The following RIF1 variants were observed in gnomAD, a reference collection of about 807,000 sequenced individuals.
The protein encoded by RIF1 is replication timing regulatory factor 1, also known as telomere-associated protein RIF1.
Under a neutral mutation model 247.1 loss-of-function variants are expected in RIF1, and 45 were observed. The observed-to-expected ratio is 0.18, with a 90% CI of 0.14 to 0.23. RIF1 has a LOEUF of 0.23. Ranked by LOEUF, RIF1 falls within the 10% of genes least tolerant of loss-of-function variation. The probability of loss-of-function intolerance (pLI) is 1.00; values close to 1 mark genes in which losing one functional copy is unlikely to be tolerated. For missense variants in RIF1, 2,967 were observed against 2,862.5 expected, an observed-to-expected ratio of 1.04 and a Z score of -0.83; for synonymous variants, 1,087 against 978.8, an observed-to-expected ratio of 1.11 and a Z score of -2.06.
chr2:151,434,105 T>G (rs1398894018), intron 10 of RIF1, among the ~76,000 whole-genome samples: 1 of 150,494 alleles, frequency 6.6e-6, no homozygotes, highest in Non-Finnish European at 1.5e-5. Context: ...GAGATGGAGG[T>G]TGCAGTGAGC....
intron 10 of RIF1, chr2:151,496,510 C>A: frequency 6.9e-7 from 1 of 1,443,318 alleles, no homozygotes; most frequent in Non-Finnish European, 9.3e-7. Context: ...AAAATGCCAC[C>A]AGCTACTTTA....
At chr2:151,522,441 A>G in the RIF1 span, among the ~76,000 whole-genome samples, 255 of 152,314 alleles carry the variant, frequency 1.7e-3, 2 homozygotes, top group South Asian at 0.03. Context: ...TCATTTCATC[A>G]TTTAACTTGA....
the RIF1 span, chr2:151,525,964 G>A: frequency 6.2e-7 from 1 of 1,613,194 alleles, no homozygotes; most frequent in Non-Finnish European, 8.5e-7. Context: ...TTACATCACT[G>A]ACATGCTTGG....
chr2:151,411,599 C>T (rs1686246163), intron 3 of RIF1, among the ~76,000 whole-genome samples: 1 of 152,074 alleles, frequency 6.6e-6, no homozygotes, highest in South Asian at 2.1e-4. Flanking sequence ...AGGGGTTTCT[C>T]CATGTTGGTC....
At chr2:151,430,874 G>A (rs942395858) in intron 9 of RIF1, among the ~76,000 whole-genome samples, 8 of 151,898 alleles carry the variant, frequency 5.3e-5, no homozygotes, top group Non-Finnish European at 1.0e-4. Context: ...GGCTAGTCTC[G>A]AGCTCCTGGA....
At chr2:151,459,861 A>T in intron 25 of RIF1, 139 bp from the exon 26 acceptor site, 1 of 724,882 alleles carries the variant, frequency 1.4e-6, no homozygotes, top group Non-Finnish European at 2.2e-6. Flanking sequence ...CCTTTCTTTG[A>T]TTTTTATGGG....
At position 151,464,331 on chromosome 2, in the gene RIF1, A is replaced by T; in HGVS notation, c.4811A>T (p.Tyr1604Phe). The change falls in exon 30 of 36, where the codon TAT (tyrosine) becomes TTT (phenylalanine). Residue 1604 changes from tyrosine to phenylalanine, a missense_variant. By Grantham distance (22) the Tyr-to-Phe change is conservative. Around this residue, in one of 7 missense-constraint regions of RIF1, gnomAD observed 2,028 missense variants for 1,825.6 expected, o/e 1.11. Transcript: ENST00000444746. The stretch of plus-strand genomic sequence containing the variant: ...AAAGCTGAAAATCAGTCACATGATT[A>T]TAAAGCAACTTCTGAAGAAGATGTA... ...CIKAENQSHD[Y>F]KATSEEDVSI... The T allele has an allele frequency of 6.2e-7, 1 of 1,610,804 alleles. No individual in the cohort carries two copies. The highest frequency in any genetic ancestry group is 8.5e-7 in the Non-Finnish European group (1 of 1,179,232).
chr2:151,511,542 G>A (rs1018149528), downstream of RIF1, among the ~76,000 whole-genome samples: 1 of 152,132 alleles, frequency 6.6e-6, no homozygotes, highest in African/African-American at 2.4e-5. Context: ...TTGGACCAGC[G>A]AATCTACATC....
In RIF1 at chr2:151,468,767, A is replaced by T. The variant is rs894369133; in HGVS notation, c.6941+11A>T. The T allele has an allele frequency of 6.4e-6, 10 of 1,567,316 alleles. No homozygotes were observed. Among genetic ancestry groups the T allele is most frequent in the Non-Finnish European group, 8.8e-6 (10 of 1,137,570 alleles). On this transcript the variant is annotated intron_variant, in intron 33 of 35. Transcript: ENST00000444746. ...TACATCAAACATGTGGTAAGTGGTT[A>T]TTTAGGCTTCTTGCTTATATTCCAA...
intron 13 of RIF1, among the ~76,000 whole-genome samples, chr2:151,438,028 C>T (rs1691574483): frequency 6.6e-6 from 1 of 152,114 alleles, no homozygotes; most frequent in African/African-American, 2.4e-5. Flanking sequence ...TAAATTTTTT[C>T]TATTGGTTGT....
At position 151,479,024 on chromosome 2, in the gene RIF1, A is replaced by G. The variant is rs865840758; in HGVS notation, c.*3953A>G. On this transcript the variant is annotated 3_prime_UTR_variant, in exon 36 of 36. Transcript: ENST00000444746. Reference sequence around the variant, plus strand: ...ATAGTACTCTCAAACTTTGATGTGCATATGAACAAGTGGATTCTGATTCAG... The same window carrying G: ...ATAGTACTCTCAAACTTTGATGTGCGTATGAACAAGTGGATTCTGATTCAG... 3.3e-5 allele frequency: 5 copies of G among 152,228 alleles called. No individual in the cohort carries two copies. Among genetic ancestry groups the G allele is most frequent in the African/African-American group, 1.2e-4 (5 of 41,438 alleles). The allele number at this position is 152,228 out of a possible 1,614,324, so 9.4% of individuals were successfully genotyped here. A position where few individuals can be genotyped will look rare whatever the true frequency, so the allele number is the denominator to read the frequency against.
In RIF1 at chr2:151,438,756, A is replaced by G. The variant is rs1382382475; in HGVS notation, c.1546+10A>G. On this transcript the variant is annotated intron_variant, in intron 14 of 35. Transcript: ENST00000444746. ...TCAGTTACTGAATCAGGTAAGCACT[A>G]TTACACTGATCAAATGTTGTTTTTT... The G allele has an allele frequency of 5.1e-6, 8 of 1,575,812 alleles. No homozygotes were observed. Among genetic ancestry groups the G allele is most frequent in the East Asian group, 2.2e-5 (1 of 44,644 alleles).
chr2:151,508,590 T>G (rs2071245041), downstream of RIF1, among the ~76,000 whole-genome samples: 1 of 152,158 alleles, frequency 6.6e-6, no homozygotes, highest in Non-Finnish European at 1.5e-5. Context: ...CATGAGCAGG[T>G]GCGGTCAGGG....
At chr2:151,440,204 A>C in intron 15 of RIF1, 77 bp downstream of exon 15, 5 of 829,490 alleles carry the variant, frequency 6.0e-6, no homozygotes, top group Non-Finnish European at 9.8e-6. Flanking sequence ...TATTTGCACA[A>C]ATCTAGTTTG....
chr2:151,437,419 A>T (rs1691438593), intron 13 of RIF1, 68 bp downstream of exon 13: 1 of 1,188,140 alleles, frequency 8.4e-7, no homozygotes, highest in African/African-American at 1.5e-5. Flanking sequence ...GGCCAGTCAC[A>T]GTACCTCACA....
In RIF1 at chr2:151,474,907, G is replaced by T; in HGVS notation, c.7255G>T (p.Ala2419Ser). Reference sequence around the variant, plus strand: ...AATTCCATTATCCAAAAACCTTCTGGCACAGATTAGTGCTCTTGCTCTTCA... The same window carrying T: ...AATTCCATTATCCAAAAACCTTCTGTCACAGATTAGTGCTCTTGCTCTTCA... Reference protein sequence around the residue: ...LEIPLSKNLLAQISALALQLD... With the variant: ...LEIPLSKNLLSQISALALQLD... The change falls in exon 36 of 36, where the codon GCA (alanine) becomes TCA (serine). Residue 2419 changes from alanine to serine, a missense_variant. This residue lies in a region of RIF1 where 151 missense variants were observed against 163.4 expected (regional missense o/e 0.92). Transcript: ENST00000444746. 1 of 1,605,338 alleles carries T rather than the reference G, an allele frequency of 6.2e-7. No individual in the cohort carries two copies. Among genetic ancestry groups the T allele is most frequent in the East Asian group, 2.2e-5 (1 of 44,764 alleles).
chr2:151,506,836 G>T (rs1227978932), intron 13 of RIF1: 1 of 969,186 alleles, frequency 1.0e-6, no homozygotes, highest in East Asian at 2.4e-5. Flanking sequence ...ATCAATATAA[G>T]GCTAGTATAT....
At chr2:151,520,892 G>A in the RIF1 span, among the ~76,000 whole-genome samples, 2 of 152,224 alleles carry the variant, frequency 1.3e-5, no homozygotes, top group Non-Finnish European at 2.9e-5. Flanking sequence ...TTTATTTATA[G>A]GAGAATTCAA....
intron 26 of RIF1, 93 bp from the exon 27 acceptor site, chr2:151,461,045 A>G: frequency 8.6e-7 from 1 of 1,162,638 alleles, no homozygotes; most frequent in Admixed American, 2.2e-5. Flanking sequence ...TCACTATTGA[A>G]AAATGGTGTC....
Sources: allele counts gnomAD v4.1 joint callset (sites outside exome capture counted in the v4.1 genomes callset), GRCh38; gene constraint gnomAD v4.1.1; regional missense constraint gnomAD v4.1.1; transcripts MANE v1.5; gene names NCBI Gene and HGNC (gene_info 2026-07-23, HGNC 2026-07-21).